The following RAVER2 variants were observed in gnomAD, a reference collection of about 807,000 sequenced individuals.
RAVER2 encodes ribonucleoprotein, PTB binding 2, also known as ribonucleoprotein PTB-binding 2.
In RAVER2, 46 loss-of-function variants were observed where a neutral mutation model predicts 78.1. The observed-to-expected ratio is 0.59, with a 90% CI of 0.46 to 0.75. The LOEUF (loss-of-function observed/expected upper bound fraction) is 0.75, where lower values mean the gene tolerates loss of function less well. RAVER2 is among the 30% of genes least tolerant of loss of function. The probability of loss-of-function intolerance (pLI) is 0.00; values close to 1 mark genes in which losing one functional copy is unlikely to be tolerated. For synonymous variants in RAVER2, 311 were observed against 313.3 expected (o/e 0.99, Z 0.08); for missense variants, 793 against 837.5 (o/e 0.95, Z 0.66).
intron 10 of RAVER2, 134 bp downstream of exon 10, chr1:64,812,983 T>C: frequency 1.9e-6 from 1 of 538,720 alleles, no homozygotes; most frequent in Non-Finnish European, 3.1e-6. Flanking sequence ...ATTCTTTAAA[T>C]TGAAAGAATA....
At position 64,804,941 on chromosome 1, in the gene RAVER2, T is replaced by A. The variant is rs758811978; in HGVS notation, c.1297-50T>A. On this transcript the variant is annotated intron_variant, in intron 7 of 11. Transcript: ENST00000294428. ...GAATTTTCACGTGTGTAGCTTTTTT[T>A]AGGTTATATCTTATGGCCATGGGTC... 11 of 1,568,434 alleles carry A rather than the reference T, an allele frequency of 7.0e-6. No individual in the cohort carries two copies. The African/African-American group carries it at 1.4e-4, about 20-fold the overall frequency.
At chr1:64,801,605 C>CA (rs1299455266) in intron 5 of RAVER2, among the ~76,000 whole-genome samples, 2 of 149,290 alleles carry the variant, frequency 1.3e-5, no homozygotes, top group African/African-American at 4.9e-5. Context: ...CGCGGTGGCT[C>CA]ACGCCTGTAA....
intron 1 of RAVER2, among the ~76,000 whole-genome samples, chr1:64,749,046 C>T (rs1320753862): frequency 6.6e-6 from 1 of 151,686 alleles, no homozygotes; most frequent in Non-Finnish European, 1.5e-5. Flanking sequence ...CTCTATGTTG[C>T]CTAGGCTGGT....
At chr1:64,774,397 G>C (rs990158796) in intron 2 of RAVER2, among the ~76,000 whole-genome samples, 1 of 152,098 alleles carries the variant, frequency 6.6e-6, no homozygotes, top group Non-Finnish European at 1.5e-5. Flanking sequence ...TCTGCTTATG[G>C]CTAGCCAGTT....
intron 5 of RAVER2, among the ~76,000 whole-genome samples, chr1:64,800,701 A>G (rs910993313): frequency 6.6e-6 from 1 of 152,194 alleles, no homozygotes; most frequent in African/African-American, 2.4e-5. Flanking sequence ...TAAGTGAGTC[A>G]TCTTCCATAT....
intron 11 of RAVER2, among the ~76,000 whole-genome samples, chr1:64,822,125 A>G (rs1653904221): frequency 6.6e-6 from 1 of 152,178 alleles, no homozygotes; most frequent in African/African-American, 2.4e-5. Context: ...CGTCTCTACT[A>G]AAAATACAAA....
rs1168955577 is a variant in RAVER2, at chr1:64,804,986, T to G, written c.1297-5T>G. 6.2e-7 allele frequency: 1 copy of G among 1,613,326 alleles called. No individual in the cohort carries two copies. Among genetic ancestry groups the G allele is most frequent in the Non-Finnish European group, 8.5e-7 (1 of 1,179,564 alleles). ...TGGGTCTTACCTTTTTTTCTTCTTT[T>G]GTAGAAACCCGGCTTACTTGGAGAG... On this transcript the variant is annotated splice_region_variant and splice_polypyrimidine_tract_variant and intron_variant, in intron 7 of 11. Coordinates refer to ENST00000294428, the Ensembl canonical transcript of RAVER2.
chr1:64,778,032 C>G lies in RAVER2; in HGVS notation c.726C>G (p.Tyr242Ter), dbSNP rs201263399. Reference sequence around the variant, plus strand: ...GTATTGATAAACTCCCCAGTGACTACAGGGATTCAGAAGAGCTGTTGCAAA... The same window carrying G: ...GTATTGATAAACTCCCCAGTGACTAGAGGGATTCAGAAGAGCTGTTGCAAA... The change falls in exon 3 of 12, where the codon TAC becomes TAG. Residue 242 changes from tyrosine (Y) to a stop codon, truncating the protein, a stop_gained. Transcript: ENST00000294428. LOFTEE classifies it high-confidence loss of function. 6.2e-7 allele frequency: 1 copy of G among 1,614,054 alleles called. No individual in the cohort carries two copies. The highest frequency in any genetic ancestry group is 8.5e-7 in the Non-Finnish European group (1 of 1,179,950).
At chr1:64,781,546 C>T (rs751735524) in exon 4 of RAVER2, 11 of 1,613,702 alleles carry the variant, frequency 6.8e-6, no homozygotes, top group South Asian at 1.1e-5. Flanking sequence ...AGTACATTAG[C>T]AGCATTGATA....
At chr1:64,794,964 C>T (rs1238613368) in intron 5 of RAVER2, among the ~76,000 whole-genome samples, 1 of 151,654 alleles carries the variant, frequency 6.6e-6, no homozygotes, top group Non-Finnish European at 1.5e-5. Context: ...ATATTTAGGT[C>T]TATGATCTAT....
intron 4 of RAVER2, 135 bp from the exon 5 acceptor site, chr1:64,789,253 T>C (rs540044428): frequency 4.8e-5 from 35 of 724,830 alleles, no homozygotes; most frequent in Non-Finnish European, 6.8e-5. Context: ...AAAATAGATA[T>C]ATAATATAAA....
Position 64,824,932 on chromosome 1 carries a change from C to CAAAAAAAAAAAAAA in RAVER2, c.1930-5893_1930-5880dup, listed in dbSNP as rs56179197. 6.3e-4 allele frequency among the ~76,000 whole-genome samples: 50 copies of CAAAAAAAAAAAAAA among 79,390 alleles called. 1 individual carries two copies. The highest frequency in any genetic ancestry group is 2.2e-3 in the African/African-American group (28 of 12,880). The allele number at this position is 79,390 out of a possible 152,430, so 52.1% of individuals were successfully genotyped here. On this transcript the variant is annotated intron_variant, in intron 11 of 11. Coordinates refer to ENST00000294428, the Ensembl canonical transcript of RAVER2. Reference sequence around the variant, plus strand: ...GGCAACAGAGCGAGACCCTGTCTCCCAAAAAAAAAAAAAAAAAAAAAAAAA... The same window carrying CAAAAAAAAAAAAAA: ...GGCAACAGAGCGAGACCCTGTCTCCCAAAAAAAAAAAAAAAAAAAAAAAAAAAAAAAAAAAAAAA...
rs1297530381 is a variant in RAVER2, at chr1:64,745,707, C to T, written c.249+286C>T. On this transcript the variant is annotated intron_variant, in intron 1 of 11. Coordinates refer to ENST00000294428, the Ensembl canonical transcript of RAVER2. This position sits in a 1 kb window ranked among gnomAD's most constrained non-coding sequence, Gnocchi z 4.3. ...TCCAAGTTCGGCCCGGTCTTTCCTT[C>T]CCCTACGGCCGTAGAGGAGTAGGAG... Among the ~76,000 whole-genome samples the T allele has an allele frequency of 2.0e-5, 3 of 152,012 alleles. No individual in the cohort carries two copies. Among genetic ancestry groups the T allele is most frequent in the South Asian group, 4.1e-4 (2 of 4,820 alleles).
rs188221065 is a variant in RAVER2 at position 64,776,127 on chromosome 1, C to T, written c.317-1496C>T. Among the ~76,000 whole-genome samples the T allele has an allele frequency of 6.6e-5, 10 of 151,582 alleles. No individual in the cohort carries two copies. The South Asian group carries it at 1.9e-3, about 28-fold the overall frequency. ...TGACCTGAGATTTTATGGGCTGATA[C>T]GAGAATATAACCAGTATTTACAAAC... On this transcript the variant is annotated intron_variant, in intron 2 of 11. Transcript: ENST00000294428.
exon 12 of RAVER2, chr1:64,830,876 A>C: frequency 6.2e-7 from 1 of 1,612,592 alleles, no homozygotes; most frequent in Non-Finnish European, 8.5e-7. Flanking sequence ...GGCTCATCAT[A>C]TCTCATCTCT....
intron 4 of RAVER2, among the ~76,000 whole-genome samples, chr1:64,784,798 C>A (rs1301418807): frequency 6.6e-6 from 1 of 152,158 alleles, no homozygotes; most frequent in African/African-American, 2.4e-5. Context: ...TCTCCCTCAC[C>A]CACTTTCTAA....
intron 5 of RAVER2, among the ~76,000 whole-genome samples, chr1:64,792,442 A>G (rs1370783778): frequency 6.6e-6 from 1 of 152,230 alleles, no homozygotes; most frequent in Non-Finnish European, 1.5e-5. Flanking sequence ...TAGGTCTTTT[A>G]GAAAGTATCA....
chr1:64,811,311 A>G (rs1172473870), intron 9 of RAVER2, among the ~76,000 whole-genome samples: 1 of 152,196 alleles, frequency 6.6e-6, no homozygotes, highest in Non-Finnish European at 1.5e-5. Context: ...CATGTGAGCC[A>G]TTCATCTCTC....
chr1:64,753,361 A>G (rs76170379), intron 1 of RAVER2, among the ~76,000 whole-genome samples: 1 of 151,454 alleles, frequency 6.6e-6, no homozygotes, highest in South Asian at 2.1e-4. Flanking sequence ...GGCTTTTTTT[A>G]AAAAAAATAT....
Sources: allele counts gnomAD v4.1 joint callset (sites outside exome capture counted in the v4.1 genomes callset), GRCh38; gene constraint gnomAD v4.1.1; non-coding constraint Gnocchi (gnomAD v3.1); transcripts MANE v1.5; gene names NCBI Gene and HGNC (gene_info 2026-07-23, HGNC 2026-07-21).